PITPNM2: variants seen among roughly 807,000 people sequenced by gnomAD.
PITPNM2 encodes the protein membrane-associated phosphatidylinositol transfer protein 2.
A neutral mutation model predicts 132.2 loss-of-function variants in PITPNM2; 35 were observed. The observed-to-expected ratio is 0.26, with a 90% CI of 0.20 to 0.35. The LOEUF (loss-of-function observed/expected upper bound fraction) is 0.35. Ranked by LOEUF, PITPNM2 falls within the 10% of genes least tolerant of loss-of-function variation. The pLI is 1.00. For synonymous variants in PITPNM2, 738 were observed against 799.2 expected, an observed-to-expected ratio of 0.92 and a Z score of 1.29; for missense variants, 1,332 against 1,912.0, an observed-to-expected ratio of 0.70 and a Z score of 5.66.
intron 2 of PITPNM2, among the ~76,000 whole-genome samples, chr12:123,103,384 T>G (rs763819376): frequency 6.6e-6 from 1 of 152,230 alleles, no homozygotes; most frequent in African/African-American, 2.4e-5. Flanking sequence ...AAGTGAATAA[T>G]GCACAGGAGC....
intron 1 of PITPNM2, among the ~76,000 whole-genome samples, chr12:123,131,276 C>T (rs1319543092): frequency 6.6e-6 from 1 of 152,098 alleles, no homozygotes; most frequent in Non-Finnish European, 1.5e-5. Flanking sequence ...GGCAGATAGA[C>T]ACAGAGGGAG....
intron 1 of PITPNM2, among the ~76,000 whole-genome samples, chr12:123,130,779 CAA>C (rs145349013): frequency 6.7e-6 from 1 of 150,188 alleles, no homozygotes; most frequent in African/African-American, 2.4e-5. Flanking sequence ...GACTCCATCT[CAA>C]AAAAAAAGAG....
chr12:123,104,178 G>A (rs1209007333), intron 2 of PITPNM2, among the ~76,000 whole-genome samples: 2 of 152,194 alleles, frequency 1.3e-5, no homozygotes, highest in African/African-American at 4.8e-5. Context: ...TGATCTGCCC[G>A]TGTTGGCCTC....
intron 3 of PITPNM2, among the ~76,000 whole-genome samples, chr12:123,026,411 C>A (rs1380551799): frequency 6.6e-6 from 1 of 152,248 alleles, no homozygotes; most frequent in Non-Finnish European, 1.5e-5. Context: ...ACCTGCCTCT[C>A]TGGTTTCTGG....
Position 122,997,405 on chromosome 12 carries a change from G to T in PITPNM2, c.1392C>A (p.Tyr464Ter). 1 of 1,613,536 alleles carries T rather than the reference G, an allele frequency of 6.2e-7. No individual in the cohort carries two copies. The highest frequency in any genetic ancestry group is 8.5e-7 in the Non-Finnish European group (1 of 1,180,000). The change falls in exon 11 of 26, where the codon TAC becomes TAA. Residue 464 changes from tyrosine to a stop codon, truncating the protein, a stop_gained. Coordinates refer to ENST00000320201, the MANE Select transcript of PITPNM2 (RefSeq NM_020845.3). LOFTEE classifies it high-confidence loss of function. ...NVFDTVMRVH[Y>*]PSALGRLAIR... ...TGGCAAGGCGGCCCAGGGCGCTGGG[G>T]TAGTGCACGCGCATGACGGTGTCGA...
intron 1 of PITPNM2, among the ~76,000 whole-genome samples, chr12:123,113,275 C>A (rs538431255): frequency 6.6e-6 from 1 of 152,134 alleles, no homozygotes; most frequent in African/African-American, 2.4e-5. Flanking sequence ...AGAGAGAGAC[C>A]CATACGTATG....
At chr12:123,123,604 T>C (rs1167028198) in intron 1 of PITPNM2, among the ~76,000 whole-genome samples, 1 of 150,594 alleles carries the variant, frequency 6.6e-6, no homozygotes, top group Non-Finnish European at 1.5e-5. Flanking sequence ...GAGCAAACCC[T>C]CTCTCTCTCA....
intron 2 of PITPNM2, among the ~76,000 whole-genome samples, chr12:123,073,810 AG>A (rs1407024204): frequency 6.6e-6 from 1 of 152,178 alleles, no homozygotes; most frequent in African/African-American, 2.4e-5. Context: ...GGGCAGATGC[AG>A]GGGGCTCTCC....
At chr12:123,072,321 C>T (rs1365762447) in intron 2 of PITPNM2, among the ~76,000 whole-genome samples, 2 of 152,204 alleles carry the variant, frequency 1.3e-5, no homozygotes, top group Non-Finnish European at 2.9e-5. Context: ...AGACAGGGGA[C>T]AGGGACAAGG....
chr12:123,070,947 G>T (rs1435242178), intron 2 of PITPNM2, among the ~76,000 whole-genome samples: 1 of 152,260 alleles, frequency 6.6e-6, no homozygotes, highest in Non-Finnish European at 1.5e-5. Context: ...CAAACAGGGG[G>T]ATGCAGGGAA....
At chr12:123,042,331 C>T (rs930407234) in intron 2 of PITPNM2, among the ~76,000 whole-genome samples, 4 of 152,180 alleles carry the variant, frequency 2.6e-5, no homozygotes, top group East Asian at 1.9e-4. Context: ...TGGCCCAGGA[C>T]GAGGCGACGT....
rs7302112 is a variant in PITPNM2 at position 123,117,160 on chromosome 12, C to T, written c.-199-6672G>A. ...CTCACATATGAGAGTTGCTGAGAGA[C>T]GTTAGTGCTTAAATGAGTCTTAGGA... On this transcript the variant is annotated intron_variant, in intron 1 of 25. Transcript: ENST00000320201. The surrounding 1 kb of genome is among the most constrained non-coding windows in gnomAD (Gnocchi z 4.7). 0.025 allele frequency among the ~76,000 whole-genome samples: 3,859 copies of T among 152,208 alleles called. 149 individuals carry two copies. Among genetic ancestry groups the T allele is most frequent in the African/African-American group, 0.086 (3,576 of 41,510 alleles).
intron 2 of PITPNM2, among the ~76,000 whole-genome samples, chr12:123,062,268 C>G (rs2041264825): frequency 1.3e-5 from 2 of 152,216 alleles, no homozygotes; most frequent in African/African-American, 4.8e-5. Flanking sequence ...ATACTTGCAA[C>G]TGAGCCTTGG....
Position 123,099,155 on chromosome 12 carries a change from G to T in PITPNM2, c.-96+11230C>A, listed in dbSNP as rs2042486993. Among the ~76,000 whole-genome samples the T allele has an allele frequency of 6.6e-6, 1 of 152,014 alleles. No individual in the cohort carries two copies. Among genetic ancestry groups the T allele is most frequent in the Non-Finnish European group, 1.5e-5 (1 of 68,002 alleles). ...CCTTCCTCACTGGATCTCTGATTCAGTGGGCACAGCAAGCACCTGCCAGAT... is the reference window on the plus strand; with the variant it reads ...CCTTCCTCACTGGATCTCTGATTCATTGGGCACAGCAAGCACCTGCCAGAT... On this transcript the variant is annotated intron_variant, in intron 2 of 25. Transcript: ENST00000320201. This position sits in a 1 kb window ranked among gnomAD's most constrained non-coding sequence, Gnocchi z 4.2.
intron 2 of PITPNM2, chr12:123,084,459 C>T (rs1460616212): frequency 6.6e-6 from 1 of 152,192 alleles, no homozygotes; most frequent in African/African-American, 2.4e-5. Context: ...AGAACCACAC[C>T]GTGCATTCAG....
chr12:123,132,105 G>C (rs1482313612), intron 1 of PITPNM2, among the ~76,000 whole-genome samples: 1 of 152,268 alleles, frequency 6.6e-6, no homozygotes, highest in Non-Finnish European at 1.5e-5. Context: ...TCGCTCTGCA[G>C]CTGTGGATGC....
chr12:123,111,669 T>C lies in PITPNM2; in HGVS notation c.-199-1181A>G, dbSNP rs1355900682. On this transcript the variant is annotated intron_variant, in intron 1 of 25. Coordinates refer to ENST00000320201, the MANE Select transcript of PITPNM2 (RefSeq NM_020845.3). This position sits in a 1 kb window ranked among gnomAD's most constrained non-coding sequence, Gnocchi z 4.1. ...CCTGCATGCCCACCCCCGTGCAGGC[T>C]CCTCTGTGGGACTGAGGCTCCATCG... is the stretch of plus-strand genomic sequence containing the variant. Among the ~76,000 whole-genome samples the C allele has an allele frequency of 6.6e-6, 1 of 152,060 alleles. No individual in the cohort carries two copies. The highest frequency in any genetic ancestry group is 1.5e-5 in the Non-Finnish European group (1 of 68,016).
At chr12:122,986,869 C>T (rs891872719) in intron 23 of PITPNM2, 40 bp from the exon 24 acceptor site, 1 of 1,548,676 alleles carries the variant, frequency 6.5e-7, no homozygotes, top group Non-Finnish European at 8.7e-7. Flanking sequence ...CCCTTCCTCC[C>T]TCCTGGGCCT....
chr12:122,996,950 A>G, intron 11 of PITPNM2, 40 bp from the exon 12 acceptor site: 1 of 1,508,636 alleles, frequency 6.6e-7, no homozygotes. Context: ...AGGCGGCTCC[A>G]GCTCAGCCCA....
Sources: gnomAD v4.1 joint callset for allele counts (sites outside exome capture counted in the v4.1 genomes callset) on GRCh38, gnomAD v4.1.1 for gene constraint, Gnocchi (gnomAD v3.1) non-coding constraint, MANE v1.5 for transcripts, NCBI Gene and HGNC (gene_info 2026-07-23, HGNC 2026-07-21) for gene names.